LDB2: variants seen among roughly 807,000 people sequenced by gnomAD.
LDB2 encodes the protein LIM domain binding 2.
Under a neutral mutation model 44.3 loss-of-function variants are expected in LDB2, and 12 were observed. That is an observed-to-expected ratio of 0.27 (90% confidence interval 0.17 to 0.44). LDB2 has a LOEUF of 0.44. Ranked by LOEUF, LDB2 falls within the 20% of genes least tolerant of loss-of-function variation. The pLI is 1.00. For missense variants in LDB2, 344 were observed against 473.5 expected (o/e 0.73, Z 2.54); for synonymous variants, 164 against 174.8 (o/e 0.94, Z 0.49).
chr4:16,829,112 CAG>C (rs1307229262), intron 1 of LDB2, among the ~76,000 whole-genome samples: 1 of 152,120 alleles, frequency 6.6e-6, no homozygotes, highest in Non-Finnish European at 1.5e-5. Flanking sequence ...TCATGCTAAG[CAG>C]AGTGTTAGTA....
intron 1 of LDB2, among the ~76,000 whole-genome samples, chr4:16,863,041 GCTC>G (rs1713264675): frequency 1.3e-5 from 2 of 152,266 alleles, no homozygotes; most frequent in African/African-American, 2.4e-5. Context: ...GAGGGCACGG[GCTC>G]CAGCCAGCCA....
chr4:16,607,696 T>C (rs1264123140), intron 2 of LDB2, among the ~76,000 whole-genome samples: 1 of 152,228 alleles, frequency 6.6e-6, no homozygotes. Context: ...TCACACTGCA[T>C]TGTAATCATC....
In LDB2 at chr4:16,746,660, G is replaced by A. The variant is rs561555739; in HGVS notation, c.235+12498C>T. 1.3e-4 allele frequency among the ~76,000 whole-genome samples: 20 copies of A among 152,186 alleles called. No individual in the cohort carries two copies. The South Asian group carries it at 2.9e-3, about 22-fold the overall frequency. ...AAATTAGCTGGGCATGGTGGCACGC[G>A]CCTGTAGTCCTGGCTACTCAGGAGG... On this transcript the variant is annotated intron_variant, in intron 2 of 7. Transcript: ENST00000304523.
At chr4:16,765,032 AAAAGAT>A (rs1465877740) in intron 1 of LDB2, among the ~76,000 whole-genome samples, 1 of 152,268 alleles carries the variant, frequency 6.6e-6, no homozygotes, top group Non-Finnish European at 1.5e-5. Flanking sequence ...ATCTTTGCCC[AAAAGAT>A]AAAGATCAAC....
chr4:16,814,321 T>C (rs915998293), intron 1 of LDB2, among the ~76,000 whole-genome samples: 2 of 152,164 alleles, frequency 1.3e-5, no homozygotes, highest in African/African-American at 2.4e-5. Context: ...CAACCATGTG[T>C]CAATAGCAGA....
chr4:16,545,052 T>G (rs13115633), intron 5 of LDB2, among the ~76,000 whole-genome samples: 44,930 of 151,464 alleles, frequency 0.3, 7,415 homozygotes, highest in African/African-American at 0.45. Context: ...AGGGAAGAAG[T>G]ATTTCATGGA....
intron 2 of LDB2, among the ~76,000 whole-genome samples, chr4:16,685,866 C>A (rs1296423735): frequency 2.0e-5 from 3 of 151,996 alleles, no homozygotes; most frequent in Non-Finnish European, 4.4e-5. Context: ...CTAGCCAACA[C>A]AGCGAAATCC....
chr4:16,757,843 T>C (rs1029935095), intron 2 of LDB2, among the ~76,000 whole-genome samples: 51 of 152,160 alleles, frequency 3.4e-4, no homozygotes, highest in Admixed American at 2.1e-3. Context: ...TGAAGTAGGC[T>C]TATCAGTGTT....
intron 1 of LDB2, among the ~76,000 whole-genome samples, chr4:16,863,906 C>T (rs1012788927): frequency 5.3e-5 from 8 of 152,084 alleles, no homozygotes; most frequent in African/African-American, 1.9e-4. Context: ...GTGATCCGCC[C>T]GCCTCGGCTT....
Position 16,846,336 on chromosome 4 carries a change from A to T in LDB2, c.132+52018T>A, listed in dbSNP as rs182728390. Among the ~76,000 whole-genome samples the T allele has an allele frequency of 9.2e-5, 14 of 152,324 alleles. No homozygotes were observed. In the East Asian group the frequency reaches 2.5e-3, roughly 27 times the overall value. On this transcript the variant is annotated intron_variant, in intron 1 of 7. Coordinates refer to ENST00000304523, the MANE Select transcript of LDB2 (RefSeq NM_001290.5). ...GCTAACAAAGCTTTAATAATTTCAAATACCAAATAGCCCAGTGAATCCAGG... is the reference window on the plus strand; with the variant it reads ...GCTAACAAAGCTTTAATAATTTCAATTACCAAATAGCCCAGTGAATCCAGG...
At chr4:16,701,491 T>C (rs1250293169) in intron 2 of LDB2, among the ~76,000 whole-genome samples, 3 of 152,204 alleles carry the variant, frequency 2.0e-5, no homozygotes, top group Non-Finnish European at 2.9e-5. Context: ...AGTGAGCTTC[T>C]ACTCTTCATT....
chr4:16,827,627 T>C (rs1783302078), intron 1 of LDB2, among the ~76,000 whole-genome samples: 1 of 152,184 alleles, frequency 6.6e-6, no homozygotes, highest in East Asian at 1.9e-4. Flanking sequence ...GTGTGTGTAA[T>C]GTGGAATGTG....
chr4:16,725,386 C>T (rs2671921), intron 2 of LDB2, among the ~76,000 whole-genome samples: 59,274 of 151,738 alleles, frequency 0.39, 11,777 homozygotes, highest in Admixed American at 0.43. Flanking sequence ...AGCATGCAGC[C>T]ACCTGTCCAG....
At chr4:16,513,568 C>T (rs996654317) in intron 5 of LDB2, among the ~76,000 whole-genome samples, 1 of 152,172 alleles carries the variant, frequency 6.6e-6, no homozygotes, top group African/African-American at 2.4e-5. Flanking sequence ...CCTATGCTGA[C>T]GTTTCTCGAA....
chr4:16,898,604 G>GAGGCAGGC lies in LDB2; in HGVS notation c.-127_-120dup, dbSNP rs1174904247. The stretch of plus-strand genomic sequence containing the variant: ...ACGCACACACGCTCACACACACACA[G>GAGGCAGGC]AGGCAGGCAGGCAGGCAGGCTGAAC... On this transcript the variant is annotated 5_prime_UTR_variant, in exon 1 of 8. Transcript: ENST00000304523. 6 of 927,896 alleles carry GAGGCAGGC rather than the reference G, an allele frequency of 6.5e-6. No individual in the cohort carries two copies. Among genetic ancestry groups the GAGGCAGGC allele is most frequent in the African/African-American group, 1.7e-5 (1 of 59,672 alleles). 57.5% of individuals were successfully genotyped at this position (927,896 alleles called of 1,614,324 possible). A position where few individuals can be genotyped will look rare whatever the true frequency, so the allele number is the denominator to read the frequency against.
chr4:16,865,599 G>GA (rs1392997751), intron 1 of LDB2, among the ~76,000 whole-genome samples: 6 of 152,020 alleles, frequency 3.9e-5, no homozygotes, highest in Non-Finnish European at 7.4e-5. Flanking sequence ...TTTCTGTGGA[G>GA]AAAAAAGCAT....
intron 5 of LDB2, among the ~76,000 whole-genome samples, chr4:16,563,254 A>G (rs1159213147): frequency 6.6e-6 from 1 of 151,414 alleles, no homozygotes; most frequent in African/African-American, 2.4e-5. Context: ...AAAAAAAAGG[A>G]AGCTAGATCT....
chr4:16,693,770 C>T (rs377155855), intron 2 of LDB2, among the ~76,000 whole-genome samples: 6 of 152,294 alleles, frequency 3.9e-5, no homozygotes, highest in South Asian at 2.1e-4. Flanking sequence ...TGCAGCACTT[C>T]CCTGCAAATA....
chr4:16,739,823 T>C (rs956901657), intron 2 of LDB2, among the ~76,000 whole-genome samples: 1 of 147,950 alleles, frequency 6.8e-6, no homozygotes, highest in African/African-American at 2.5e-5. Flanking sequence ...TTTTTAAAAA[T>C]TATAATCGCA....
Sources: allele counts gnomAD v4.1 joint callset (sites outside exome capture counted in the v4.1 genomes callset), GRCh38; gene constraint gnomAD v4.1.1; transcripts MANE v1.5; gene names NCBI Gene and HGNC (gene_info 2026-07-23, HGNC 2026-07-21).